GPC5: variants seen among roughly 807,000 people sequenced by gnomAD.
GPC5 encodes the protein glypican 5, also known as glypican-5.
In GPC5, 47 loss-of-function variants were observed where a neutral mutation model predicts 53.9. The observed-to-expected ratio is 0.87, with a 90% CI of 0.69 to 1.11. GPC5 has a LOEUF of 1.11. GPC5 is among the 50% of genes most tolerant of loss of function. The pLI is 0.00. For synonymous variants in GPC5, 286 were observed against 263.3 expected (o/e 1.09, Z -0.84); for missense variants, 748 against 713.1 (o/e 1.05, Z -0.56).
At chr13:91,629,197 C>T (rs909505062) in intron 2 of GPC5, among the ~76,000 whole-genome samples, 8 of 151,990 alleles carry the variant, frequency 5.3e-5, no homozygotes, top group African/African-American at 4.8e-5. Flanking sequence ...TTATTTTGTC[C>T]AGCCACACTT....
At chr13:92,326,839 G>C (rs909029725) in intron 7 of GPC5, among the ~76,000 whole-genome samples, 1 of 151,926 alleles carries the variant, frequency 6.6e-6, no homozygotes, top group Admixed American at 6.6e-5. Context: ...CTTCCCCAAG[G>C]ACACCAGGTC....
At chr13:91,979,263 C>G (rs1423675985) in intron 6 of GPC5, among the ~76,000 whole-genome samples, 1 of 151,886 alleles carries the variant, frequency 6.6e-6, no homozygotes, top group Non-Finnish European at 1.5e-5. Flanking sequence ...CGGAGGTATT[C>G]AAAGCTATGT....
chr13:92,847,558 C>T (rs1878652529), intron 7 of GPC5, among the ~76,000 whole-genome samples: 1 of 152,082 alleles, frequency 6.6e-6, no homozygotes, highest in African/African-American at 2.4e-5. Context: ...TCACCTTCTG[C>T]CATAATTGCT....
At position 92,091,347 on chromosome 13, in the gene GPC5, A is replaced by C. The variant is rs535691519; in HGVS notation, c.1402-53483A>C. On this transcript the variant is annotated intron_variant, in intron 6 of 7. Transcript: ENST00000377067. ...CTATTATTTTTAATATTTCTTTTAA[A>C]AGTTCATCATTTTGAGGATTAAGAT... 4.8e-4 allele frequency among the ~76,000 whole-genome samples: 73 copies of C among 152,300 alleles called. 1 individual carries two copies. Among genetic ancestry groups the C allele is most frequent in the African/African-American group, 1.6e-3 (67 of 41,584 alleles).
intron 7 of GPC5, among the ~76,000 whole-genome samples, chr13:92,444,183 T>C (rs1443421733): frequency 6.6e-6 from 1 of 152,040 alleles, no homozygotes; most frequent in Non-Finnish European, 1.5e-5. Context: ...AATACATACA[T>C]AGGTATAGAA....
intron 7 of GPC5, among the ~76,000 whole-genome samples, chr13:92,523,290 G>A (rs1431571234): frequency 6.6e-6 from 1 of 152,048 alleles, no homozygotes; most frequent in Non-Finnish European, 1.5e-5. Context: ...TTCCAAATTT[G>A]CTGACATTTT....
At chr13:92,061,307 A>G (rs558459152) in intron 6 of GPC5, among the ~76,000 whole-genome samples, 1 of 152,140 alleles carries the variant, frequency 6.6e-6, no homozygotes, top group East Asian at 1.9e-4. Context: ...AGTGCAATAA[A>G]TCAGTTTTGA....
chr13:92,668,961 T>G (rs1464169257), intron 7 of GPC5, among the ~76,000 whole-genome samples: 1 of 152,116 alleles, frequency 6.6e-6, no homozygotes, highest in African/African-American at 2.4e-5. Flanking sequence ...TTCTAGAAAT[T>G]TATTGCATAT....
intron 7 of GPC5, among the ~76,000 whole-genome samples, chr13:92,428,346 C>G (rs1876933103): frequency 6.6e-6 from 1 of 152,116 alleles, no homozygotes; most frequent in South Asian, 2.1e-4. Flanking sequence ...ATCATGTGAA[C>G]AAAGAGGTAG....
intron 5 of GPC5, among the ~76,000 whole-genome samples, chr13:91,881,839 T>C (rs2039267018): frequency 6.6e-6 from 1 of 152,196 alleles, no homozygotes; most frequent in African/African-American, 2.4e-5. Context: ...GTCTCGCAGA[T>C]GCAACTAAGG....
intron 7 of GPC5, among the ~76,000 whole-genome samples, chr13:92,325,058 A>G (rs2043241507): frequency 6.6e-6 from 1 of 151,626 alleles, no homozygotes; most frequent in African/African-American, 2.4e-5. Context: ...GAAGATTCCA[A>G]ATGGAAGTCA....
At chr13:91,613,790 C>T (rs889031585) in intron 2 of GPC5, among the ~76,000 whole-genome samples, 9 of 151,968 alleles carry the variant, frequency 5.9e-5, no homozygotes, top group Non-Finnish European at 2.9e-5. Flanking sequence ...AAAATTTGAG[C>T]GCAAATTATC....
At chr13:92,595,511 G>A (rs1232350864) in intron 7 of GPC5, among the ~76,000 whole-genome samples, 1 of 152,078 alleles carries the variant, frequency 6.6e-6, no homozygotes, top group African/African-American at 2.4e-5. Context: ...GCTCACGCCT[G>A]TAATCCCAGC....
chr13:92,708,871 T>A (rs1225917739), intron 7 of GPC5, among the ~76,000 whole-genome samples: 22 of 45,566 alleles, frequency 4.8e-4, no homozygotes, highest in Non-Finnish European at 7.2e-4. Flanking sequence ...TTTTTTTTTT[T>A]TTTTTTTTTT....
In GPC5 at chr13:91,727,097, T is replaced by G. The variant is rs534793146; in HGVS notation, c.1021-1435T>G. On this transcript the variant is annotated intron_variant, in intron 3 of 7. Coordinates refer to ENST00000377067, the MANE Select transcript of GPC5 (RefSeq NM_004466.6). ...AATGGGTTGCTCTTGTCATGTTATATGACAGTTGCTATTTTACCTGTGTAA... is the reference window on the plus strand; with the variant it reads ...AATGGGTTGCTCTTGTCATGTTATAGGACAGTTGCTATTTTACCTGTGTAA... Among the ~76,000 whole-genome samples the G allele has an allele frequency of 5.3e-5, 8 of 152,370 alleles. No homozygotes were observed. In the South Asian group the frequency reaches 1.7e-3, roughly 32 times the overall value.
intron 7 of GPC5, among the ~76,000 whole-genome samples, chr13:92,488,769 T>G (rs1390724629): frequency 1.3e-5 from 2 of 152,212 alleles, no homozygotes; most frequent in East Asian, 3.8e-4. Context: ...TTCATGATAA[T>G]GTTTGAAGCT....
At chr13:91,614,151 G>A (rs868712483) in intron 2 of GPC5, among the ~76,000 whole-genome samples, 2 of 152,306 alleles carry the variant, frequency 1.3e-5, no homozygotes, top group South Asian at 4.1e-4. Context: ...TTTGAGAGTC[G>A]AGTGGGAGAT....
chr13:91,803,569 T>A (rs1432162833), intron 5 of GPC5, among the ~76,000 whole-genome samples: 1 of 152,164 alleles, frequency 6.6e-6, no homozygotes, highest in African/African-American at 2.4e-5. Context: ...GCTGTCAGTG[T>A]CCCATACACA....
At chr13:92,660,220 G>C (rs1240181745) in intron 7 of GPC5, among the ~76,000 whole-genome samples, 1 of 151,976 alleles carries the variant, frequency 6.6e-6, no homozygotes. Context: ...TTATGTTCTT[G>C]AGTCACGTAT....
Sources: allele counts gnomAD v4.1 joint callset (sites outside exome capture counted in the v4.1 genomes callset), GRCh38; gene constraint gnomAD v4.1.1; transcripts MANE v1.5; gene names NCBI Gene and HGNC (gene_info 2026-07-23, HGNC 2026-07-21).